Variants in PTPN2 observed in about 807,000 individuals in gnomAD.
The protein encoded by PTPN2 is tyrosine-protein phosphatase non-receptor type 2.
A neutral mutation model predicts 57.3 loss-of-function variants in PTPN2; 19 were observed. That is an observed-to-expected ratio of 0.33 (90% CI 0.23 to 0.49). PTPN2 has a LOEUF of 0.49. PTPN2 is among the 20% of genes least tolerant of loss of function. PTPN2 has a pLI of 0.99. For missense variants in PTPN2, 358 were observed against 501.1 expected (o/e 0.71, Z 2.73); for synonymous variants, 153 against 164.9 (o/e 0.93, Z 0.55).
chr18:12,805,330 G>A (rs932227363), intron 7 of PTPN2, among the ~76,000 whole-genome samples: 5 of 151,820 alleles, frequency 3.3e-5, no homozygotes, highest in African/African-American at 9.7e-5. Flanking sequence ...GGTGGTGCAT[G>A]CCTGTAATCC....
intron 3 of PTPN2, 141 bp from the exon 4 acceptor site, chr18:12,831,182 A>G: frequency 1.9e-6 from 1 of 534,332 alleles, no homozygotes; most frequent in Non-Finnish European, 3.5e-6. Flanking sequence ...AAGACTTCCA[A>G]TCTACCTGAT....
chr18:12,811,873 GAGT>G (rs1568098765), intron 7 of PTPN2, among the ~76,000 whole-genome samples: 3 of 152,068 alleles, frequency 2.0e-5, no homozygotes, highest in African/African-American at 7.2e-5. Flanking sequence ...ACCAACCCAT[GAGT>G]CACTGCCACT....
At chr18:12,813,349 G>A (rs1243956176) in intron 7 of PTPN2, among the ~76,000 whole-genome samples, 1 of 152,156 alleles carries the variant, frequency 6.6e-6, no homozygotes, top group Non-Finnish European at 1.5e-5. Flanking sequence ...ATGTTCTAAT[G>A]GGCTGAGTTT....
chr18:12,865,595 G>C (rs1598876199), intron 1 of PTPN2, among the ~76,000 whole-genome samples: 1 of 152,144 alleles, frequency 6.6e-6, no homozygotes. Flanking sequence ...GATTGCCTGA[G>C]CTCAGGAGTT....
chr18:12,813,057 C>A (rs961820221), intron 7 of PTPN2, among the ~76,000 whole-genome samples: 3 of 151,906 alleles, frequency 2.0e-5, no homozygotes, highest in Non-Finnish European at 4.4e-5. Context: ...AAGACACAAT[C>A]CAAAGGACAA....
intron 2 of PTPN2, among the ~76,000 whole-genome samples, chr18:12,845,116 C>A (rs1486417420): frequency 1.3e-5 from 2 of 152,130 alleles, no homozygotes; most frequent in Non-Finnish European, 2.9e-5. Flanking sequence ...TTTCCAAGAT[C>A]ATTTTAGCCA....
chr18:12,819,370 T>C, intron 5 of PTPN2: 1 of 626,292 alleles, frequency 1.6e-6, no homozygotes, highest in Non-Finnish European at 2.6e-6. Flanking sequence ...TTAATTATGG[T>C]AAGTGAACAA....
intron 2 of PTPN2, among the ~76,000 whole-genome samples, chr18:12,855,303 A>G (rs991508362): frequency 5.3e-5 from 8 of 152,156 alleles, no homozygotes; most frequent in African/African-American, 1.7e-4. Context: ...GGGGTAGGAT[A>G]TAAGGGTTGA....
chr18:12,809,475 A>G (rs370084308), intron 7 of PTPN2, among the ~76,000 whole-genome samples: 1 of 152,210 alleles, frequency 6.6e-6, no homozygotes, highest in Non-Finnish European at 1.5e-5. Context: ...AGGATGAAAC[A>G]TGATCCCCAT....
At position 12,825,793 on chromosome 18, in the gene PTPN2, G is replaced by T. The variant is rs2042429845; in HGVS notation, c.495+17C>A. The stretch of plus-strand genomic sequence containing the variant: ...CCATCATATAAAGTCCACAATTTCG[G>T]GCAAGAAAGGTCTTACATTGATATT... On this transcript the variant is annotated intron_variant, in intron 5 of 8. Coordinates refer to ENST00000309660, the MANE Select transcript of PTPN2 (RefSeq NM_002828.4). The T allele has an allele frequency of 6.3e-7, 1 of 1,590,862 alleles. No homozygotes were observed. The highest frequency in any genetic ancestry group is 8.6e-7 in the Non-Finnish European group (1 of 1,169,352).
chr18:12,859,262 T>C lies in PTPN2; in HGVS notation c.70-8A>G. On this transcript the variant is annotated splice_polypyrimidine_tract_variant and splice_region_variant and intron_variant, in intron 1 of 8. Transcript: ENST00000309660. ...GGACTCATTTCGAATTTCCTTAAAATAACAAAAATATATTTTAATATCCCT... is the reference window on the plus strand; with the variant it reads ...GGACTCATTTCGAATTTCCTTAAAACAACAAAAATATATTTTAATATCCCT... 1 of 1,573,100 alleles carries C rather than the reference T, an allele frequency of 6.4e-7. No homozygotes were observed. Among genetic ancestry groups the C allele is most frequent in the Non-Finnish European group, 8.7e-7 (1 of 1,148,020 alleles).
chr18:12,864,266 C>T (rs2043918754), intron 1 of PTPN2: 1 of 151,908 alleles, frequency 6.6e-6, no homozygotes, highest in Admixed American at 6.6e-5. Flanking sequence ...TGTGCATTGC[C>T]TACATTAAGA....
intron 2 of PTPN2, among the ~76,000 whole-genome samples, chr18:12,857,711 C>T (rs1191913251): frequency 1.3e-5 from 2 of 151,982 alleles, no homozygotes; most frequent in East Asian, 3.9e-4. Flanking sequence ...GAACGCACAC[C>T]CACACTGGAA....
chr18:12,793,303 T>G lies in PTPN2; in HGVS notation c.*975A>C, dbSNP rs2041039340. The stretch of plus-strand genomic sequence containing the variant: ...GAAGTAGAAAGAAACTGAAAAGTGT[T>G]TACTTCAAAACTTCAGTCTAGTAAA... On this transcript the variant is annotated 3_prime_UTR_variant, in exon 9 of 9. Coordinates refer to ENST00000309660, the MANE Select transcript of PTPN2 (RefSeq NM_002828.4). The G allele has an allele frequency of 1.0e-6, 1 of 973,226 alleles. No individual in the cohort carries two copies. The highest frequency in any genetic ancestry group is 1.2e-6 in the Non-Finnish European group (1 of 818,522). 60.3% of individuals were successfully genotyped at this position (973,226 alleles called of 1,614,324 possible). A position where few individuals can be genotyped will look rare whatever the true frequency, so the allele number is the denominator to read the frequency against.
intron 1 of PTPN2, among the ~76,000 whole-genome samples, chr18:12,868,749 C>A (rs1202559437): frequency 1.3e-5 from 2 of 150,466 alleles, no homozygotes; most frequent in African/African-American, 4.9e-5. Flanking sequence ...GTGATCTGCC[C>A]GCTTCAGCCT....
At chr18:12,858,870 T>C (rs1284281326) in intron 2 of PTPN2, among the ~76,000 whole-genome samples, 2 of 152,158 alleles carry the variant, frequency 1.3e-5, no homozygotes, top group African/African-American at 2.4e-5. Flanking sequence ...GGATATTATA[T>C]AGACATCTAT....
rs112364261 is a variant in PTPN2 at position 12,853,266 on chromosome 18, C to T, written c.160+5898G>A. 8.8e-3 allele frequency among the ~76,000 whole-genome samples: 1,346 copies of T among 152,260 alleles called. 27 individuals carry two copies. Among genetic ancestry groups the T allele is most frequent in the African/African-American group, 0.031 (1,302 of 41,536 alleles). ...GTGGTCTCAAGTGATCCTCCTGCCC[C>T]AGCCTCCCAAATAGCTGGGACTACA... On this transcript the variant is annotated intron_variant, in intron 2 of 8. Coordinates refer to ENST00000309660, the MANE Select transcript of PTPN2 (RefSeq NM_002828.4).
intron 3 of PTPN2, among the ~76,000 whole-genome samples, chr18:12,834,851 G>T (rs1476400521): frequency 6.6e-6 from 1 of 152,136 alleles, no homozygotes; most frequent in African/African-American, 2.4e-5. Flanking sequence ...AGGGATCTAG[G>T]GTGGTAATTC....
chr18:12,844,613 T>C (rs1383376741), intron 2 of PTPN2, among the ~76,000 whole-genome samples: 1 of 152,234 alleles, frequency 6.6e-6, no homozygotes, highest in Non-Finnish European at 1.5e-5. Context: ...TGTTTCTTTT[T>C]ACTGTTACAT....
Sources: gnomAD v4.1 joint callset for allele counts (sites outside exome capture counted in the v4.1 genomes callset) on GRCh38, gnomAD v4.1.1 for gene constraint, MANE v1.5 for transcripts, NCBI Gene and HGNC (gene_info 2026-07-23, HGNC 2026-07-21) for gene names.